The following CDH18 variants were observed in gnomAD, a reference collection of about 807,000 sequenced individuals.
CDH18 encodes cadherin 18.
In CDH18, 31 loss-of-function variants were observed where a neutral mutation model predicts 67.9. That is an observed-to-expected ratio of 0.46 (90% CI 0.34 to 0.62). The LOEUF is 0.62. Ranked by LOEUF, CDH18 falls within the 20% of genes least tolerant of loss-of-function variation. The probability of loss-of-function intolerance (pLI) is 0.01; values close to 1 mark genes in which losing one functional copy is unlikely to be tolerated. For synonymous variants in CDH18, 362 were observed against 347.2 expected (o/e 1.04, Z -0.48); for missense variants, 890 against 975.5 (o/e 0.91, Z 1.17).
intron 2 of CDH18, among the ~76,000 whole-genome samples, chr5:19,954,313 T>A (rs1465778677): frequency 2.0e-5 from 3 of 152,088 alleles, no homozygotes; most frequent in Non-Finnish European, 4.4e-5. Flanking sequence ...TTCTTTGGTT[T>A]AATTTTGTAG....
chr5:20,364,911 CAA>C (rs913776152), intron 1 of CDH18, among the ~76,000 whole-genome samples: 15 of 152,200 alleles, frequency 9.9e-5, no homozygotes, highest in African/African-American at 3.4e-4. Flanking sequence ...CTTAATGACT[CAA>C]GAGTACATGG....
chr5:20,551,406 C>T (rs1388227362), intron 1 of CDH18, among the ~76,000 whole-genome samples: 6 of 152,146 alleles, frequency 3.9e-5, no homozygotes, highest in Non-Finnish European at 1.5e-5. Context: ...TTCCCAACAC[C>T]TTCTAGTCTT....
At chr5:20,575,021 T>G (rs1759039186) in intron 1 of CDH18, among the ~76,000 whole-genome samples, 1 of 151,940 alleles carries the variant, frequency 6.6e-6, no homozygotes, top group Non-Finnish European at 1.5e-5. Flanking sequence ...AAGCATATGA[T>G]AGCATCTACG....
chr5:19,992,752 T>C (rs554526937), upstream of CDH18, among the ~76,000 whole-genome samples: 232 of 135,890 alleles, frequency 1.7e-3, no homozygotes, highest in Non-Finnish European at 2.6e-3. Flanking sequence ...AGACTGGAAA[T>C]AGAAAAAAAA....
rs145926998 is a variant in CDH18, at chr5:19,524,798, T to G, written c.1391-4020A>C. Among the ~76,000 whole-genome samples, 1,291 of 152,176 alleles carry G rather than the reference T, an allele frequency of 8.5e-3. 24 individuals carry two copies. The highest frequency in any genetic ancestry group is 0.03 in the African/African-American group (1,233 of 41,520). On this transcript the variant is annotated intron_variant, in intron 9 of 12. Coordinates refer to ENST00000382275, the MANE Select transcript of CDH18 (RefSeq NM_004934.5). ...TCTCGCTCTGTCGCCCAGGCTGGAG[T>G]GCAGTGGCGCGATCTCCGCTCACTA...
At chr5:20,365,881 T>C (rs2150077482) in intron 1 of CDH18, among the ~76,000 whole-genome samples, 1 of 152,314 alleles carries the variant, frequency 6.6e-6, no homozygotes, top group East Asian at 1.9e-4. Context: ...CAAGGCATCA[T>C]TTTGCTACTT....
intron 2 of CDH18, among the ~76,000 whole-genome samples, chr5:19,958,797 C>T (rs1286728547): frequency 2.0e-5 from 3 of 151,970 alleles, no homozygotes; most frequent in Non-Finnish European, 4.4e-5. Context: ...GTGTGATGTT[C>T]CGTGTTGCAT....
At chr5:20,127,869 G>A (rs2126457449) in intron 2 of CDH18, among the ~76,000 whole-genome samples, 1 of 152,190 alleles carries the variant, frequency 6.6e-6, no homozygotes, top group South Asian at 2.1e-4. Flanking sequence ...ATATAAAATA[G>A]CTTTTAAAGA....
chr5:19,697,314 C>G (rs1762658578), intron 5 of CDH18, among the ~76,000 whole-genome samples: 1 of 152,112 alleles, frequency 6.6e-6, no homozygotes, highest in Non-Finnish European at 1.5e-5. Flanking sequence ...ATTAGCTATA[C>G]ATCAATCTCA....
chr5:19,877,705 CTG>C (rs1377715461), intron 2 of CDH18, among the ~76,000 whole-genome samples: 1 of 152,098 alleles, frequency 6.6e-6, no homozygotes, highest in African/African-American at 2.4e-5. Flanking sequence ...AATTATGTAA[CTG>C]AGATTACAGC....
intron 3 of CDH18, among the ~76,000 whole-genome samples, chr5:19,781,411 T>C (rs1016137882): frequency 2.6e-5 from 4 of 152,066 alleles, no homozygotes; most frequent in Admixed American, 6.6e-5. Flanking sequence ...TGGAAATATG[T>C]GTATGACCTA....
intron 1 of CDH18, among the ~76,000 whole-genome samples, chr5:20,346,178 C>T (rs1740679765): frequency 6.6e-6 from 1 of 152,164 alleles, no homozygotes; most frequent in African/African-American, 2.4e-5. Context: ...TAGTAGTCCT[C>T]AATACCCTGT....
chr5:19,924,989 A>G (rs2150180562), intron 2 of CDH18, among the ~76,000 whole-genome samples: 1 of 152,264 alleles, frequency 6.6e-6, no homozygotes, highest in Middle Eastern at 3.4e-3. Flanking sequence ...TAACTTTGCA[A>G]CCCCCAGAAA....
chr5:20,305,813 G>T, intron 1 of CDH18: 2 of 245,200 alleles, frequency 8.2e-6, no homozygotes, highest in Non-Finnish European at 7.9e-6. Context: ...AAAAAGGGAG[G>T]AAAGAAACGC....
rs183075000 is a variant in CDH18, at chr5:19,757,451, G to A, written c.229-10215C>T. ...GCCAGGTCAGCCTTGGTGAGTGGAC[G>A]TCCATGTTGCTGAGCCCATGTGTAA... On this transcript the variant is annotated intron_variant, in intron 3 of 12. Transcript: ENST00000382275. Among the ~76,000 whole-genome samples, 246 of 152,274 alleles carry A rather than the reference G, an allele frequency of 1.6e-3. 1 individual carries two copies. The highest frequency in any genetic ancestry group is 2.6e-3 in the Non-Finnish European group (180 of 68,024).
intron 1 of CDH18, among the ~76,000 whole-genome samples, chr5:20,414,670 A>G (rs1747125784): frequency 1.3e-5 from 2 of 152,212 alleles, no homozygotes; most frequent in South Asian, 2.1e-4. Flanking sequence ...TGAACAAAAT[A>G]TATGAATTTT....
At chr5:20,347,980 C>T (rs1320374129) in intron 1 of CDH18, among the ~76,000 whole-genome samples, 1 of 152,186 alleles carries the variant, frequency 6.6e-6, no homozygotes, top group Non-Finnish European at 1.5e-5. Flanking sequence ...TCTCCAATGT[C>T]TGCATGTCTC....
chr5:19,697,603 A>C lies in CDH18; in HGVS notation c.643+23744T>G, dbSNP rs1762696850. On this transcript the variant is annotated intron_variant, in intron 5 of 12. Coordinates refer to ENST00000382275, the MANE Select transcript of CDH18 (RefSeq NM_004934.5). ...AAAATCATCAGAAAAAAAGTTTAAC[A>C]AAGTGGCATGATTGAATACTCCTGA... Among the ~76,000 whole-genome samples the C allele has an allele frequency of 2.0e-5, 3 of 152,222 alleles. No homozygotes were observed. The South Asian group carries it at 6.2e-4, about 31-fold the overall frequency.
intron 2 of CDH18, among the ~76,000 whole-genome samples, chr5:19,889,485 T>C (rs1392219978): frequency 6.6e-6 from 1 of 151,940 alleles, no homozygotes; most frequent in Non-Finnish European, 1.5e-5. Flanking sequence ...TGAATTTATA[T>C]TTAGGGGAGA....
Sources: allele counts gnomAD v4.1 joint callset (sites outside exome capture counted in the v4.1 genomes callset), GRCh38; gene constraint gnomAD v4.1.1; transcripts MANE v1.5; gene names NCBI Gene and HGNC (gene_info 2026-07-23, HGNC 2026-07-21).